The following CCNE1 variants were observed in gnomAD, a reference collection of about 807,000 sequenced individuals.
CCNE1 encodes cyclin E1, also known as G1/S-specific cyclin-E1.
In CCNE1, 8 loss-of-function variants were observed where a neutral mutation model predicts 54.1. The observed-to-expected ratio is 0.15, with a 90% CI of 0.09 to 0.27. CCNE1 has a LOEUF of 0.27. Among genes scored for constraint, CCNE1 ranks in the 10% least tolerant of loss-of-function variants. The pLI is 1.00. For missense variants in CCNE1, 430 were observed against 514.9 expected (o/e 0.84, Z 1.60); for synonymous variants, 179 against 185.2 (o/e 0.97, Z 0.27).
In CCNE1 at chr19:29,822,547, G is replaced by T. The variant is rs1304746106; in HGVS notation, c.1054G>T (p.Val352Phe). ...GSSKLKHFRG[V>F]ADEDAHNIQT... Reference sequence around the variant, plus strand: ...CTCAAAACTGAAGCACTTCAGGGGCGTCGCTGATGAAGATGCACACAACAT... The same window carrying T: ...CTCAAAACTGAAGCACTTCAGGGGCTTCGCTGATGAAGATGCACACAACAT... The change falls in exon 11 of 12, where the codon GTC becomes TTC. Residue 352 changes from valine (V) to phenylalanine (F), a missense_variant. This residue lies in a region of CCNE1 where 303 missense variants were observed against 401.1 expected (regional missense o/e 0.76). Coordinates refer to ENST00000262643, the MANE Select transcript of CCNE1 (RefSeq NM_001238.4). 5 of 1,614,096 alleles carry T rather than the reference G, an allele frequency of 3.1e-6. No homozygotes were observed. The highest frequency in any genetic ancestry group is 4.2e-6 in the Non-Finnish European group (5 of 1,180,016).
In CCNE1 at chr19:29,817,174, C is replaced by T. The variant is rs762615251; in HGVS notation, c.218C>T (p.Ser73Phe). The T allele has an allele frequency of 6.2e-7, 1 of 1,614,078 alleles. No individual in the cohort carries two copies. The highest frequency in any genetic ancestry group is 1.7e-5 in the Admixed American group (1 of 60,000). The stretch of plus-strand genomic sequence containing the variant: ...AATGCAGTCTGTGCAGACCCCTGCT[C>T]CCTGATCCCCACACCTGACAAAGAA... ...DNNAVCADPC[S>F]LIPTPDKEDD... Residue 73 changes from serine (S) to phenylalanine (F), a missense_variant, in exon 5 of 12, where the codon TCC becomes TTC. Transcript: ENST00000262643.
intron 4 of CCNE1, among the ~76,000 whole-genome samples, chr19:29,815,532 C>T (rs531464026): frequency 5.3e-5 from 8 of 151,838 alleles, no homozygotes; most frequent in African/African-American, 7.2e-5. Context: ...GCTGTGTCTT[C>T]GAGGTAGCAC....
chr19:29,823,817 C>T lies in CCNE1; in HGVS notation c.*40C>T, dbSNP rs776814675. 5.1e-6 allele frequency: 8 copies of T among 1,570,870 alleles called. No individual in the cohort carries two copies. Among genetic ancestry groups the T allele is most frequent in the South Asian group, 2.3e-5 (2 of 85,760 alleles). Reference sequence around the variant, plus strand: ...TCCACCAAAGACAGTTGCGCGCCTGCTCCACGTTCTCTTCTGTCTGTTGCA... The same window carrying T: ...TCCACCAAAGACAGTTGCGCGCCTGTTCCACGTTCTCTTCTGTCTGTTGCA... On this transcript the variant is annotated 3_prime_UTR_variant, in exon 12 of 12. Coordinates refer to ENST00000262643, the MANE Select transcript of CCNE1 (RefSeq NM_001238.4).
chr19:29,816,689 A>G (rs975973049), intron 4 of CCNE1, among the ~76,000 whole-genome samples: 1 of 152,220 alleles, frequency 6.6e-6, no homozygotes, highest in Non-Finnish European at 1.5e-5. Flanking sequence ...ATGGCAGCCA[A>G]ATTTACATTT....
rs1973916275 is a variant in CCNE1, at chr19:29,812,591, G to A, written c.23+13G>A. 7 of 1,526,240 alleles carry A rather than the reference G, an allele frequency of 4.6e-6. No individual in the cohort carries two copies. The highest frequency in any genetic ancestry group is 4.2e-5 in the African/African-American group (3 of 71,852). 94.5% of individuals were successfully genotyped at this position (1,526,240 alleles called of 1,614,324 possible). A position where few individuals can be genotyped will look rare whatever the true frequency, so the allele number is the denominator to read the frequency against. ...AGCGCAGGGAGCGGTGAGTGCCCGCGCCGCGGGGCCGGACGGGACGGGACG... is the reference window on the plus strand; with the variant it reads ...AGCGCAGGGAGCGGTGAGTGCCCGCACCGCGGGGCCGGACGGGACGGGACG... On this transcript the variant is annotated intron_variant, in intron 2 of 11. Coordinates refer to ENST00000262643, the MANE Select transcript of CCNE1 (RefSeq NM_001238.4).
At chr19:29,816,974 C>CTT (rs765980268) in intron 4 of CCNE1, among the ~76,000 whole-genome samples, 163 bp from the exon 5 acceptor site, 3 of 151,680 alleles carry the variant, frequency 2.0e-5, no homozygotes, top group African/African-American at 7.3e-5. Context: ...TTAAAAAAAT[C>CTT]TTTGAGTTGT....
At chr19:29,815,640 TG>T (rs1267462984) in intron 4 of CCNE1, among the ~76,000 whole-genome samples, 121 of 78,172 alleles carry the variant, frequency 1.5e-3, no homozygotes, top group East Asian at 4.5e-3. Flanking sequence ...TTTTTTTTTT[TG>T]GGGGGGGGAC....
At chr19:29,820,920 G>A (rs2145727212) in intron 7 of CCNE1, 72 bp downstream of exon 7, 1 of 1,252,736 alleles carries the variant, frequency 8.0e-7, no homozygotes, top group South Asian at 1.3e-5. Flanking sequence ...GGGGGAAGAG[G>A]TTGGCGCTTA....
chr19:29,818,396 G>A (rs58821717), intron 6 of CCNE1, among the ~76,000 whole-genome samples: 2,185 of 152,184 alleles, frequency 0.014, 65 homozygotes, highest in African/African-American at 0.049. Context: ...TCCTGACCTT[G>A]TGATCCACCC....
chr19:29,817,167 C>A lies in CCNE1; in HGVS notation c.211C>A (p.Pro71Thr), dbSNP rs769333246. 1.9e-6 allele frequency: 3 copies of A among 1,613,986 alleles called. No homozygotes were observed. The East Asian group carries it at 6.7e-5, about 36-fold the overall frequency. ...GGACAATAATGCAGTCTGTGCAGAC[C>A]CCTGCTCCCTGATCCCCACACCTGA... ...PWDNNAVCADPCSLIPTPDKE... is the reference protein window; with the variant it reads ...PWDNNAVCADTCSLIPTPDKE... Residue 71 changes from proline to threonine, a missense_variant, in exon 5 of 12, where the codon CCC becomes ACC. Pro to Thr is a conservative substitution (Grantham distance 38). This residue lies in a region of CCNE1 where 127 missense variants were observed against 113.8 expected (regional missense o/e 1.12). Coordinates refer to ENST00000262643, the MANE Select transcript of CCNE1 (RefSeq NM_001238.4).
rs1231827332 is a variant in CCNE1 at position 29,822,328 on chromosome 19, C to G, written c.929C>G (p.Ser310Cys). ...AASALYHFSS[S>C]ELMQKVSGYQ... is the part of the protein sequence containing the mutation. ...TCGGCCTTGTATCATTTCTCGTCAT[C>G]TGAATTGATGCAAAAGGTTTCAGGT... The change falls in exon 10 of 12, where the codon TCT becomes TGT. Residue 310 changes from serine to cysteine, a missense_variant. Physicochemically the swap from Ser to Cys is moderately radical, Grantham distance 112. Coordinates refer to ENST00000262643, the MANE Select transcript of CCNE1 (RefSeq NM_001238.4). 2 of 1,613,944 alleles carry G rather than the reference C, an allele frequency of 1.2e-6. No individual in the cohort carries two copies. Among genetic ancestry groups the G allele is most frequent in the Non-Finnish European group, 1.7e-6 (2 of 1,179,916 alleles).
intron 4 of CCNE1, among the ~76,000 whole-genome samples, chr19:29,815,651 CAG>C (rs1483936849): frequency 1.6e-5 from 2 of 121,674 alleles, no homozygotes; most frequent in African/African-American, 3.2e-5. Context: ...GGGGGGGGGA[CAG>C]AGTCTTGCTC....
chr19:29,812,391 C>T (rs1227289091), intron 1 of CCNE1, 141 bp from the exon 2 acceptor site: 8 of 449,956 alleles, frequency 1.8e-5, no homozygotes, highest in Non-Finnish European at 2.7e-5. Flanking sequence ...CGGGGGTCGG[C>T]GGGTGCCCGG....
In CCNE1 at chr19:29,816,765, A is replaced by G. The variant is rs1322446914; in HGVS notation, c.181-372A>G. ...TGTGCACAACGTGCAGGTTAGTTAC[A>G]TATGTATACATGTGCCATGTTGGTG... is the stretch of plus-strand genomic sequence containing the variant. On this transcript the variant is annotated intron_variant, in intron 4 of 11. Transcript: ENST00000262643. Among the ~76,000 whole-genome samples, 10 of 152,134 alleles carry G rather than the reference A, an allele frequency of 6.6e-5. No individual in the cohort carries two copies. In the East Asian group the frequency reaches 1.5e-3, roughly 24 times the overall value.
At chr19:29,815,963 T>C in intron 4 of CCNE1, among the ~76,000 whole-genome samples, 1 of 151,768 alleles carries the variant, frequency 6.6e-6, no homozygotes. Context: ...GAGACCAGCC[T>C]GGACAACATG....
rs77585089 is a variant in CCNE1 at position 29,816,633 on chromosome 19, C to T, written c.181-504C>T. Among the ~76,000 whole-genome samples, 747 of 152,286 alleles carry T rather than the reference C, an allele frequency of 4.9e-3. 8 individuals are homozygous for T. Among genetic ancestry groups the T allele is most frequent in the African/African-American group, 0.017 (717 of 41,550 alleles). ...TAGTCCTGCAACAAAAAGAAAATGT[C>T]ACATTTGATGAGTTTTTGTTTTAAA... On this transcript the variant is annotated intron_variant, in intron 4 of 11. Transcript: ENST00000262643.
chr19:29,821,814 G>GA lies in CCNE1; in HGVS notation c.704dup (p.Ala236GlyfsTer3). 1 of 1,608,050 alleles carries GA rather than the reference G, an allele frequency of 6.2e-7. No individual in the cohort carries two copies. Among genetic ancestry groups the GA allele is most frequent in the Non-Finnish European group, 8.5e-7 (1 of 1,174,504 alleles). On this transcript the variant is annotated frameshift_variant, in exon 8 of 12. Coordinates refer to ENST00000262643, the MANE Select transcript of CCNE1 (RefSeq NM_001238.4). LOFTEE classifies it high-confidence loss of function. ...TTCTCACCATGGAATTAATGATTAT[G>GA]AAGGTGGGTTCCAGTGAATTTTCCG...
At chr19:29,817,012 TGGAAGCAC>T in intron 4 of CCNE1, 117 bp from the exon 5 acceptor site, 1 of 954,258 alleles carries the variant, frequency 1.0e-6, no homozygotes, top group African/African-American at 1.6e-5. Context: ...TGTATCTTTT[TGGAAGCAC>T]TTTCAGAAGT....
chr19:29,818,949 A>G (rs962521110), intron 6 of CCNE1, among the ~76,000 whole-genome samples: 1 of 151,856 alleles, frequency 6.6e-6, no homozygotes, highest in African/African-American at 2.4e-5. Context: ...TTTAGTAGAG[A>G]CGGGGTTTCC....
Sources: gnomAD v4.1 joint callset for allele counts (sites outside exome capture counted in the v4.1 genomes callset) on GRCh38, gnomAD v4.1.1 for gene constraint, gnomAD v4.1.1 regional missense constraint, MANE v1.5 for transcripts, NCBI Gene and HGNC (gene_info 2026-07-23, HGNC 2026-07-21) for gene names.